Variants in SYNM observed in about 807,000 individuals in gnomAD.
SYNM encodes the protein synemin.
In SYNM, 95 loss-of-function variants were observed where a neutral mutation model predicts 104.0. The ratio of observed to expected loss-of-function variants is 0.91; its 90% CI spans 0.77 to 1.08. The LOEUF is 1.08. Ranked by LOEUF, SYNM falls within the 50% of genes least tolerant of loss-of-function variation. The probability of loss-of-function intolerance (pLI) is 0.00; values close to 1 mark genes in which losing one functional copy is unlikely to be tolerated. For missense variants in SYNM, 2,150 were observed against 2,052.2 expected (o/e 1.05, Z -0.92); for synonymous variants, 918 against 869.0 (o/e 1.06, Z -0.99).
Position 99,133,704 on chromosome 15 carries a change from A to C in SYNM, c.*646A>C, listed in dbSNP as rs1213232459. 6 of 153,774 alleles carry C rather than the reference A, an allele frequency of 3.9e-5. No individual in the cohort carries two copies. The highest frequency in any genetic ancestry group is 8.7e-5 in the Non-Finnish European group (6 of 68,856). 9.5% of individuals were successfully genotyped at this position (153,774 alleles called of 1,614,324 possible). ...TAGTATTTATGGCGAGGACAGCTGTAGTCTGTTGTGATATTTCACATTCTA... is the reference window on the plus strand; with the variant it reads ...TAGTATTTATGGCGAGGACAGCTGTCGTCTGTTGTGATATTTCACATTCTA... On this transcript the variant is annotated 3_prime_UTR_variant, in exon 4 of 4. Coordinates refer to ENST00000336292, the MANE Select transcript of SYNM (RefSeq NM_145728.3).
In SYNM at chr15:99,126,790, C is replaced by T. The variant is rs1555485082; in HGVS notation, c.1004C>T (p.Ser335Leu). 6.4e-7 allele frequency: 1 copy of T among 1,565,732 alleles called. No homozygotes were observed. Among genetic ancestry groups the T allele is most frequent in the Non-Finnish European group, 8.7e-7 (1 of 1,154,394 alleles). Residue 335 changes from serine (S) to leucine (L), a missense_variant and splice_region_variant, in exon 3 of 4, where the codon TCA (serine) becomes TTA (leucine). By Grantham distance (145) the Ser-to-Leu change is moderately radical. Coordinates refer to ENST00000336292, the MANE Select transcript of SYNM (RefSeq NM_145728.3). ...GCTGAGCACGTTGAAAACATGCCGTCAGGTAAGTAAAAGCTAATGACTTGA... is the reference window on the plus strand; with the variant it reads ...GCTGAGCACGTTGAAAACATGCCGTTAGGTAAGTAAAAGCTAATGACTTGA... ...IWAEHVENMP[S>L]EFRNKSYHYT...
At chr15:99,123,629 C>T (rs943323294) in intron 2 of SYNM, among the ~76,000 whole-genome samples, 2 of 152,238 alleles carry the variant, frequency 1.3e-5, no homozygotes, top group South Asian at 2.1e-4. Context: ...TCGAGGGAGG[C>T]GGCTCTGCGG....
chr15:99,130,174 G>A lies in SYNM; in HGVS notation c.1814G>A (p.Gly605Asp), dbSNP rs2067486282. 4.3e-6 allele frequency: 7 copies of A among 1,613,798 alleles called. No homozygotes were observed. The highest frequency in any genetic ancestry group is 5.9e-6 in the Non-Finnish European group (7 of 1,179,912). Residue 605 changes from glycine to aspartate, a missense_variant, in exon 4 of 4, where the codon GGT becomes GAT. Physicochemically the swap from Gly to Asp is moderately conservative, Grantham distance 94 (BLOSUM62 -1). Coordinates refer to ENST00000336292, the MANE Select transcript of SYNM (RefSeq NM_145728.3). ...CAGACGCCTGTGAAGGATGCTGGTGGTGGGACCGGTAGAGAGGCAGAAGCA... is the reference window on the plus strand; with the variant it reads ...CAGACGCCTGTGAAGGATGCTGGTGATGGGACCGGTAGAGAGGCAGAAGCA... ...GLQTPVKDAG[G>D]GTGREAEARE...
chr15:99,132,059 G>C lies in SYNM; in HGVS notation c.3699G>C (p.Glu1233Asp), dbSNP rs782640285. The C allele has an allele frequency of 5.0e-6, 8 of 1,613,972 alleles. No homozygotes were observed. In the East Asian group the frequency reaches 1.8e-4, roughly 36 times the overall value. Reference protein sequence around the residue: ...FGCRQFHAEKEIIFQGPISAA... With the variant: ...FGCRQFHAEKDIIFQGPISAA... ...GCAGACAATTTCATGCTGAAAAGGA[G>C]ATTATTTTTCAGGGCCCCATTTCTG... is the stretch of plus-strand genomic sequence containing the variant. The change falls in exon 4 of 4, where the codon GAG becomes GAC. Residue 1233 changes from glutamate to aspartate, a missense_variant. Transcript: ENST00000336292.
At chr15:99,125,104 GCA>G (rs1222497725) in intron 2 of SYNM, among the ~76,000 whole-genome samples, 4 of 152,200 alleles carry the variant, frequency 2.6e-5, no homozygotes, top group Admixed American at 2.6e-4. Flanking sequence ...TCTAACTTGG[GCA>G]GCTCAAGGGA....
downstream of SYNM, among the ~76,000 whole-genome samples, chr15:99,138,604 C>T (rs906172201): frequency 2.6e-5 from 4 of 152,342 alleles, no homozygotes; most frequent in Admixed American, 1.3e-4. Context: ...TGAGTCACCT[C>T]GCCTGGCCCC....
intron 2 of SYNM, among the ~76,000 whole-genome samples, chr15:99,126,311 G>T (rs555583369): frequency 1.3e-5 from 2 of 152,344 alleles, no homozygotes; most frequent in African/African-American, 4.8e-5. Flanking sequence ...CCAGTGGGGG[G>T]TGTAGCTGCT....
In SYNM at chr15:99,132,006, G is replaced by T. The variant is rs782776007; in HGVS notation, c.3646G>T (p.Gly1216Ter). The change falls in exon 4 of 4, where the codon GGA (glycine) becomes TGA (stop). Residue 1216 changes from glycine to a stop codon, truncating the protein, a stop_gained. Coordinates refer to ENST00000336292, the MANE Select transcript of SYNM (RefSeq NM_145728.3). LOFTEE classifies it high-confidence loss of function. ...AGCAGAGTCTTCTGCAGATATGGAC[G>T]GATCAGGGAGGCACAGCACATTTGG... Reference protein sequence around the residue: ...GPAESSADMDGSGRHSTFGCR... With the variant: ...GPAESSADMD The T allele has an allele frequency of 1.2e-6, 2 of 1,613,968 alleles. No homozygotes were observed. The highest frequency in any genetic ancestry group is 1.7e-6 in the Non-Finnish European group (2 of 1,179,894).
rs1475321585 is a variant in SYNM, at chr15:99,129,679, C to T, written c.1319C>T (p.Ala440Val). 6.2e-7 allele frequency: 1 copy of T among 1,613,916 alleles called. No homozygotes were observed. Among genetic ancestry groups the T allele is most frequent in the Non-Finnish European group, 8.5e-7 (1 of 1,179,890 alleles). Residue 440 changes from alanine (A) to valine (V), a missense_variant, in exon 4 of 4, where the codon GCT becomes GTT. Transcript: ENST00000336292. ...TATGGCCTTTTAAGAAATACTGAGGCTCAAGTGAAAACATTCCCTGACAGA... is the reference window on the plus strand; with the variant it reads ...TATGGCCTTTTAAGAAATACTGAGGTTCAAGTGAAAACATTCCCTGACAGA... ...PTYGLLRNTE[A>V]QVKTFPDRPK...
chr15:99,130,187 A>C lies in SYNM; in HGVS notation c.1827A>C (p.Arg609Ser). 1 of 1,613,976 alleles carries C rather than the reference A, an allele frequency of 6.2e-7. No homozygotes were observed. The highest frequency in any genetic ancestry group is 1.3e-5 in the African/African-American group (1 of 75,046). ...AGGATGCTGGTGGTGGGACCGGTAGAGAGGCAGAAGCAAGAGAGCTACGGT... is the reference window on the plus strand; with the variant it reads ...AGGATGCTGGTGGTGGGACCGGTAGCGAGGCAGAAGCAAGAGAGCTACGGT... ...PVKDAGGGTG[R>S]EAEARELRFR... The change falls in exon 4 of 4, where the codon AGA (arginine) becomes AGC (serine). Residue 609 changes from arginine (R) to serine (S), a missense_variant. Transcript: ENST00000336292.
rs2067504711 is a variant in SYNM, at chr15:99,131,385, G to C, written c.3025G>C (p.Val1009Leu). 2.5e-6 allele frequency: 4 copies of C among 1,613,004 alleles called. No homozygotes were observed. The highest frequency in any genetic ancestry group is 3.4e-6 in the Non-Finnish European group (4 of 1,179,526). ...LVAEVNVSQT[V>L]DADRLDLEEL... ...TGCTGAAGTCAACGTCTCACAAACT[G>C]TGGATGCCGATCGGTTAGACCTGGA... is the stretch of plus-strand genomic sequence containing the variant. Residue 1009 changes from valine (V) to leucine (L), a missense_variant, in exon 4 of 4, where the codon GTG becomes CTG. Coordinates refer to ENST00000336292, the MANE Select transcript of SYNM (RefSeq NM_145728.3). The surrounding 1 kb of genome is among the most constrained non-coding windows in gnomAD (Gnocchi z 4.3).
downstream of SYNM, chr15:99,138,020 G>A (rs1454572395): frequency 4.3e-6 from 7 of 1,614,018 alleles, no homozygotes; most frequent in African/African-American, 6.7e-5. Flanking sequence ...TCAGTCTGCT[G>A]TTGTGCCGGG....
chr15:99,106,035 A>G, intron 1 of SYNM, 26 bp downstream of exon 1: 1 of 1,410,614 alleles, frequency 7.1e-7, no homozygotes, highest in South Asian at 1.5e-5. Context: ...TGGCGCGCTG[A>G]CCCCATACCC....
intron 1 of SYNM, among the ~76,000 whole-genome samples, chr15:99,112,509 T>C (rs1555483490): frequency 1.3e-5 from 2 of 152,128 alleles, no homozygotes; most frequent in Non-Finnish European, 2.9e-5. Flanking sequence ...TCATTTTAAA[T>C]TTAATTGAGC....
chr15:99,131,505 A>C lies in SYNM; in HGVS notation c.3145A>C (p.Ser1049Arg). ...CAGGCAACGCAGCCCAGCGCCTGGC[A>C]GCCCAGATGAGGAAGGTGGAGCGGA... is the stretch of plus-strand genomic sequence containing the variant. Reference protein sequence around the residue: ...LSRQRSPAPGSPDEEGGAEAP... With the variant: ...LSRQRSPAPGRPDEEGGAEAP... Residue 1049 changes from serine (S) to arginine (R), a missense_variant, in exon 4 of 4, where the codon AGC (serine) becomes CGC (arginine). Transcript: ENST00000336292. This position sits in a 1 kb window ranked among gnomAD's most constrained non-coding sequence, Gnocchi z 4.3. 6.2e-7 allele frequency: 1 copy of C among 1,606,974 alleles called. No individual in the cohort carries two copies.
downstream of SYNM, among the ~76,000 whole-genome samples, chr15:99,138,867 G>A (rs547137445): frequency 1.3e-5 from 2 of 152,346 alleles, no homozygotes; most frequent in African/African-American, 4.8e-5. Flanking sequence ...GGCTCTGTGA[G>A]GTAGGCCCTC....
intron 3 of SYNM, among the ~76,000 whole-genome samples, chr15:99,127,945 AT>A (rs377566933): frequency 1.3e-5 from 2 of 152,274 alleles, no homozygotes; most frequent in Non-Finnish European, 2.9e-5. Context: ...CCCAGTTGTG[AT>A]TTTGGGGCCG....
chr15:99,113,452 GTT>G, intron 1 of SYNM, 137 bp from the exon 2 acceptor site: 1 of 1,094,616 alleles, frequency 9.1e-7, no homozygotes, highest in South Asian at 1.5e-5. Flanking sequence ...GTGACTGCAT[GTT>G]TAATAACGCC....
rs1555485939 is a variant in SYNM, at chr15:99,131,622, C to T, written c.3262C>T (p.His1088Tyr). 2 of 1,610,626 alleles carry T rather than the reference C, an allele frequency of 1.2e-6. No homozygotes were observed. The highest frequency in any genetic ancestry group is 1.7e-6 in the Non-Finnish European group (2 of 1,179,560). ...GAGCGAGGTTGCTGGTGGGGCCTCT[C>T]ACAGCTCGGGACAGCGCACTCCCCA... ...GESEVAGGAS[H>Y]SSGQRTPQGP... The change falls in exon 4 of 4, where the codon CAC (histidine) becomes TAC (tyrosine). Residue 1088 changes from histidine (H) to tyrosine (Y), a missense_variant. His to Tyr is a moderately conservative substitution (Grantham distance 83). Coordinates refer to ENST00000336292, the MANE Select transcript of SYNM (RefSeq NM_145728.3). This position sits in a 1 kb window ranked among gnomAD's most constrained non-coding sequence, Gnocchi z 4.3.
Sources: allele counts gnomAD v4.1 joint callset (sites outside exome capture counted in the v4.1 genomes callset), GRCh38; gene constraint gnomAD v4.1.1; non-coding constraint Gnocchi (gnomAD v3.1); transcripts MANE v1.5; gene names NCBI Gene and HGNC (gene_info 2026-07-23, HGNC 2026-07-21).